Variants in NFE2L1 observed in about 807,000 individuals in gnomAD.
The protein encoded by NFE2L1 is NFE2 like bZIP transcription factor 1, also known as endoplasmic reticulum membrane sensor NFE2L1.
In NFE2L1, 18 loss-of-function variants were observed where a neutral mutation model predicts 61.6. The observed-to-expected ratio is 0.29, with a 90% confidence interval of 0.20 to 0.43. The LOEUF (loss-of-function observed/expected upper bound fraction) is 0.43, where lower values mean the gene tolerates loss of function less well. Ranked by LOEUF, NFE2L1 falls within the 20% of genes least tolerant of loss-of-function variation. The probability of loss-of-function intolerance (pLI) is 1.00; values close to 1 mark genes in which losing one functional copy is unlikely to be tolerated. For missense variants in NFE2L1, 827 were observed against 973.5 expected, an observed-to-expected ratio of 0.85 and a Z score of 2.00; for synonymous variants, 419 against 402.7, an observed-to-expected ratio of 1.04 and a Z score of -0.48.
intron 1 of NFE2L1, among the ~76,000 whole-genome samples, chr17:48,049,763 C>T (rs751017554): frequency 4.6e-5 from 7 of 152,214 alleles, no homozygotes; most frequent in Non-Finnish European, 8.8e-5. Context: ...AGGCATTCTT[C>T]TTCTGGGTGA....
At chr17:48,053,847 A>T (rs2037318915) in intron 2 of NFE2L1, among the ~76,000 whole-genome samples, 1 of 151,886 alleles carries the variant, frequency 6.6e-6, no homozygotes, top group Admixed American at 6.6e-5. Context: ...GTGAAAGGGG[A>T]GGGGGGACAT....
rs759917834 is a variant in NFE2L1 at position 48,059,647 on chromosome 17, G to C, written c.*6G>C. 1 of 1,535,746 alleles carries C rather than the reference G, an allele frequency of 6.5e-7. No homozygotes were observed. Among genetic ancestry groups the C allele is most frequent in the Non-Finnish European group, 8.8e-7 (1 of 1,142,638 alleles). On this transcript the variant is annotated 3_prime_UTR_variant, in exon 6 of 6. Transcript: ENST00000362042. This position sits in a 1 kb window ranked among gnomAD's most constrained non-coding sequence, Gnocchi z 6.1. Reference sequence around the variant, plus strand: ...CAAAGGACCGGAGAAAGTGAGCCTGGGGAAGAAGGGGGTTTGAAGCCCACC... The same window carrying C: ...CAAAGGACCGGAGAAAGTGAGCCTGCGGAAGAAGGGGGTTTGAAGCCCACC...
chr17:48,060,937 A>G lies in NFE2L1; in HGVS notation c.*1296A>G, dbSNP rs1049626547. The G allele has an allele frequency of 2.0e-5, 3 of 152,218 alleles. No individual in the cohort carries two copies. Among genetic ancestry groups the G allele is most frequent in the Admixed American group, 6.6e-5 (1 of 15,210 alleles). 9.4% of individuals were successfully genotyped at this position (152,218 alleles called of 1,614,324 possible). ...GCTAAATGTTCTCTTTGCCATAAAGACTCCGTGTAACTGTGTGAACACTTG... is the reference window on the plus strand; with the variant it reads ...GCTAAATGTTCTCTTTGCCATAAAGGCTCCGTGTAACTGTGTGAACACTTG... On this transcript the variant is annotated 3_prime_UTR_variant, in exon 6 of 6. Transcript: ENST00000362042.
chr17:48,058,676 C>T lies in NFE2L1; in HGVS notation c.1354C>T (p.Leu452Phe). 6.2e-7 allele frequency: 1 copy of T among 1,614,200 alleles called. No homozygotes were observed. The highest frequency in any genetic ancestry group is 8.5e-7 in the Non-Finnish European group (1 of 1,180,040). ...TGAAGCTATGTTGGATGAGATCAGCCTTATGGACCTGGCCATTGAAGAAGG... is the reference window on the plus strand; with the variant it reads ...TGAAGCTATGTTGGATGAGATCAGCTTTATGGACCTGGCCATTGAAGAAGG... ...LDEAMLDEIS[L>F]MDLAIEEGFN... The change falls in exon 6 of 6, where the codon CTT becomes TTT. Residue 452 changes from leucine (L) to phenylalanine (F), a missense_variant. By Grantham distance (22) the Leu-to-Phe change is conservative (BLOSUM62 0). Around this residue, in one of 3 missense-constraint regions of NFE2L1, gnomAD observed 667 missense variants for 748.4 expected, o/e 0.89. Coordinates refer to ENST00000362042, the MANE Select transcript of NFE2L1 (RefSeq NM_003204.3).
At chr17:48,050,175 C>T (rs1171420211) in intron 1 of NFE2L1, among the ~76,000 whole-genome samples, 1 of 152,164 alleles carries the variant, frequency 6.6e-6, no homozygotes, top group Non-Finnish European at 1.5e-5. Context: ...GTAGTCCTTT[C>T]TTCCTGTAAA....
chr17:48,055,032 A>AC, intron 2 of NFE2L1: 1 of 1,516,762 alleles, frequency 6.6e-7, no homozygotes, highest in Non-Finnish European at 8.8e-7. Flanking sequence ...ACCCGCCTGG[A>AC]CCGCAGCTCT....
intron 2 of NFE2L1, among the ~76,000 whole-genome samples, chr17:48,052,897 C>A (rs148500430): frequency 1.3e-5 from 2 of 152,292 alleles, no homozygotes; most frequent in African/African-American, 4.8e-5. Context: ...GCTCTGTGCT[C>A]AAATGGCTCA....
intron 2 of NFE2L1, chr17:48,054,708 G>A (rs1351318889): frequency 7.7e-7 from 1 of 1,295,012 alleles, no homozygotes; most frequent in Non-Finnish European, 9.8e-7. Flanking sequence ...GCTTTCCTCT[G>A]CAGCTTGAGC....
chr17:48,059,067 G>A lies in NFE2L1; in HGVS notation c.1745G>A (p.Ser582Asn), dbSNP rs2144396798. The change falls in exon 6 of 6, where the codon AGT becomes AAT. Residue 582 changes from serine (S) to asparagine (N), a missense_variant. By Grantham distance (46) the Ser-to-Asn change is conservative. Around this residue, in one of 3 missense-constraint regions of NFE2L1, gnomAD observed 667 missense variants for 748.4 expected, o/e 0.89. Transcript: ENST00000362042. The surrounding 1 kb of genome is among the most constrained non-coding windows in gnomAD (Gnocchi z 6.1). ...GHNHTYNMAP[S>N]ALDSADLPPP... ...AACCACACATACAACATGGCACCCA[G>A]TGCCCTGGACTCAGCCGACCTGCCA... is the stretch of plus-strand genomic sequence containing the variant. 6.2e-7 allele frequency: 1 copy of A among 1,614,086 alleles called. No individual in the cohort carries two copies. The highest frequency in any genetic ancestry group is 2.2e-5 in the East Asian group (1 of 44,888).
chr17:48,051,684 C>T, intron 2 of NFE2L1, 56 bp downstream of exon 2: 1 of 1,555,548 alleles, frequency 6.4e-7, no homozygotes, highest in Non-Finnish European at 8.7e-7. Flanking sequence ...GGGCTGGTCC[C>T]AAAGGATTGT....
chr17:48,051,799 G>A (rs1378649867), intron 2 of NFE2L1, among the ~76,000 whole-genome samples, 171 bp downstream of exon 2: 1 of 152,146 alleles, frequency 6.6e-6, no homozygotes, highest in Non-Finnish European at 1.5e-5. Context: ...AGGATTGGGG[G>A]CTGGGAGCAT....
chr17:48,056,694 C>T (rs1251492475), intron 3 of NFE2L1, 96 bp downstream of exon 3: 4 of 1,446,748 alleles, frequency 2.8e-6, no homozygotes, highest in Non-Finnish European at 3.8e-6. Flanking sequence ...TTAGAGAAGA[C>T]AGGTGGTGTG....
Position 48,058,637 on chromosome 17 carries a change from G to C in NFE2L1, c.1315G>C (p.Gly439Arg), listed in dbSNP as rs754558195. The C allele has an allele frequency of 1.7e-5, 28 of 1,614,070 alleles. No individual in the cohort carries two copies. The highest frequency in any genetic ancestry group is 2.2e-5 in the Non-Finnish European group (26 of 1,180,028). Residue 439 changes from glycine to arginine, a missense_variant, in exon 6 of 6, where the codon GGG (glycine) becomes CGG (arginine). By Grantham distance (125) the Gly-to-Arg change is moderately radical. This residue lies in a region of NFE2L1 where 667 missense variants were observed against 748.4 expected (regional missense o/e 0.89). Coordinates refer to ENST00000362042, the MANE Select transcript of NFE2L1 (RefSeq NM_003204.3). ...TAGPELPDPLGGLLDEAMLDE... is the reference protein window; with the variant it reads ...TAGPELPDPLRGLLDEAMLDE... ...AGGCCCAGAGCTGCCTGACCCTTTG[G>C]GGGGTCTGTTAGATGAAGCTATGTT...
In NFE2L1 at chr17:48,056,405, T is replaced by A; in HGVS notation, c.530T>A (p.Ile177Asn). 1 of 1,614,162 alleles carries A rather than the reference T, an allele frequency of 6.2e-7. No homozygotes were observed. Among genetic ancestry groups the A allele is most frequent in the Non-Finnish European group, 8.5e-7 (1 of 1,180,012 alleles). Residue 177 changes from isoleucine (I) to asparagine (N), a missense_variant, in exon 3 of 6, where the codon ATC becomes AAC. Physicochemically the swap from Ile to Asn is moderately radical, Grantham distance 149. Around this residue, in one of 3 missense-constraint regions of NFE2L1, gnomAD observed 667 missense variants for 748.4 expected, o/e 0.89. Transcript: ENST00000362042. ...LTKEDIDLIDILWRQDIDLGA... is the reference protein window; with the variant it reads ...LTKEDIDLIDNLWRQDIDLGA... ...TTTCAGGACATAGATCTGATTGACATCCTTTGGCGACAGGATATTGATCTG... is the reference window on the plus strand; with the variant it reads ...TTTCAGGACATAGATCTGATTGACAACCTTTGGCGACAGGATATTGATCTG...
intron 2 of NFE2L1, 109 bp downstream of exon 2, chr17:48,051,737 C>G: frequency 7.4e-7 from 1 of 1,345,650 alleles, no homozygotes; most frequent in East Asian, 2.3e-5. Flanking sequence ...CAGGTTTCAG[C>G]AGGGCCTCAG....
chr17:48,057,321 A>C, intron 4 of NFE2L1, 23 bp from the exon 5 acceptor site: 1 of 1,609,838 alleles, frequency 6.2e-7, no homozygotes, highest in South Asian at 1.1e-5. Context: ...CCCCCTTGTT[A>C]AAGCCTCTGT....
At chr17:48,056,083 C>A (rs561512235) in intron 2 of NFE2L1, 4 of 339,134 alleles carry the variant, frequency 1.2e-5, no homozygotes, top group African/African-American at 6.2e-5. Context: ...AGGGGGGAGG[C>A]GGCCCTGCCT....
intron 2 of NFE2L1, 85 bp downstream of exon 2, chr17:48,051,713 T>A (rs527338266): frequency 1.3e-6 from 2 of 1,496,146 alleles, no homozygotes. Flanking sequence ...CACTGAGCCC[T>A]GTAAAGAGCC....
chr17:48,057,139 G>A lies in NFE2L1; in HGVS notation c.813+18G>A. ...ATGCTGAGGTGAGCAGGACTCCAGT[G>A]AGAGTCCACCAAGTGAGCAGGGCAG... On this transcript the variant is annotated intron_variant, in intron 4 of 5. Coordinates refer to ENST00000362042, the MANE Select transcript of NFE2L1 (RefSeq NM_003204.3). 1 of 1,611,208 alleles carries A rather than the reference G, an allele frequency of 6.2e-7. No homozygotes were observed. The highest frequency in any genetic ancestry group is 8.5e-7 in the Non-Finnish European group (1 of 1,178,786).
Sources: gnomAD v4.1 joint callset for allele counts (sites outside exome capture counted in the v4.1 genomes callset) on GRCh38, gnomAD v4.1.1 for gene constraint, gnomAD v4.1.1 regional missense constraint, Gnocchi (gnomAD v3.1) non-coding constraint, MANE v1.5 for transcripts, NCBI Gene and HGNC (gene_info 2026-07-23, HGNC 2026-07-21) for gene names.